The following NRG3 variants were observed in gnomAD, a reference collection of about 807,000 sequenced individuals.
The protein encoded by NRG3 is neuregulin 3.
In NRG3, 31 loss-of-function variants were observed where a neutral mutation model predicts 66.9. That is an observed-to-expected ratio of 0.46 (90% CI 0.35 to 0.63). NRG3 has a LOEUF of 0.63. Ranked by LOEUF, NRG3 falls within the 20% of genes least tolerant of loss-of-function variation. The pLI, the probability that NRG3 is intolerant of heterozygous loss-of-function variation, is 0.00. For missense variants in NRG3, 910 were observed against 878.9 expected (o/e 1.04, Z -0.45); for synonymous variants, 393 against 359.4 (o/e 1.09, Z -1.06).
chr10:82,289,337 C>T (rs1435484671), intron 1 of NRG3, among the ~76,000 whole-genome samples: 1 of 151,882 alleles, frequency 6.6e-6, no homozygotes, highest in Non-Finnish European at 1.5e-5. Context: ...CCTTCAGCTG[C>T]AATGAGACAT....
rs5786567 is a variant in NRG3 at position 82,720,810 on chromosome 10, C to CATATATATATAT, written c.954-17746_954-17735dup. Among the ~76,000 whole-genome samples the CATATATATATAT allele has an allele frequency of 7.1e-3, 810 of 114,544 alleles. 23 individuals carry two copies. The highest frequency in any genetic ancestry group is 0.02 in the African/African-American group (447 of 22,762). 75.1% of individuals were successfully genotyped at this position (114,544 alleles called of 152,430 possible). On this transcript the variant is annotated intron_variant, in intron 2 of 8. Coordinates refer to ENST00000372141, the MANE Select transcript of NRG3 (RefSeq NM_001010848.4). Reference sequence around the variant, plus strand: ...AACACATATATAGGAGTATTTTATACATATATATATATATATATATATATA... The same window carrying CATATATATATAT: ...AACACATATATAGGAGTATTTTATACATATATATATATATATATATATATATATATATATATA...
At chr10:82,049,808 A>G (rs1729298730) in intron 1 of NRG3, among the ~76,000 whole-genome samples, 1 of 152,008 alleles carries the variant, frequency 6.6e-6, no homozygotes, top group South Asian at 2.1e-4. Flanking sequence ...TAAAAGCACC[A>G]AGCTGACATT....
intron 2 of NRG3, among the ~76,000 whole-genome samples, chr10:82,540,572 C>T (rs2043475471): frequency 6.6e-6 from 1 of 151,838 alleles, no homozygotes; most frequent in Non-Finnish European, 1.5e-5. Flanking sequence ...AGTATGCAGC[C>T]TGGAGTGTTG....
chr10:82,189,111 T>A (rs1589256665), intron 1 of NRG3, among the ~76,000 whole-genome samples: 1 of 152,226 alleles, frequency 6.6e-6, no homozygotes, highest in East Asian at 1.9e-4. Context: ...AAAGGTAGCC[T>A]CCCACTTCCC....
chr10:82,951,401 C>T, intron 4 of NRG3, 68 bp from the exon 5 acceptor site: 7 of 1,251,726 alleles, frequency 5.6e-6, no homozygotes, highest in Non-Finnish European at 8.2e-6. Flanking sequence ...CTCAGAAGTA[C>T]ATGGATGAAG....
At chr10:82,345,847 A>G (rs2082983680) in intron 1 of NRG3, among the ~76,000 whole-genome samples, 1 of 151,194 alleles carries the variant, frequency 6.6e-6, no homozygotes, top group African/African-American at 2.4e-5. Flanking sequence ...GAGTTCACTC[A>G]TGATTTGGCT....
intron 2 of NRG3, among the ~76,000 whole-genome samples, chr10:82,714,318 A>T (rs2056848157): frequency 6.6e-6 from 1 of 152,168 alleles, no homozygotes; most frequent in Non-Finnish European, 1.5e-5. Context: ...AAAAATGTGG[A>T]TGGATGCTCC....
chr10:82,732,197 T>C (rs1359508771), intron 2 of NRG3, among the ~76,000 whole-genome samples: 1 of 152,194 alleles, frequency 6.6e-6, no homozygotes, highest in East Asian at 1.9e-4. Flanking sequence ...CCTGAAGTCT[T>C]CTTACCCATA....
intron 4 of NRG3, among the ~76,000 whole-genome samples, chr10:82,895,486 C>CTT (rs57655284): frequency 0.26 from 33,421 of 128,210 alleles, 5,469 homozygotes; most frequent in Non-Finnish European, 0.34. Context: ...CAATAACATT[C>CTT]TTTTTTTTTT....
chr10:82,453,057 A>C (rs2091096970), intron 2 of NRG3, among the ~76,000 whole-genome samples: 1 of 152,186 alleles, frequency 6.6e-6, no homozygotes, highest in Non-Finnish European at 1.5e-5. Flanking sequence ...TTCCAACTGT[A>C]CCACTCTGTG....
chr10:82,724,006 T>G (rs1214028132), intron 2 of NRG3, among the ~76,000 whole-genome samples: 3 of 147,824 alleles, frequency 2.0e-5, no homozygotes, highest in African/African-American at 7.9e-5. Flanking sequence ...ATAAAAAAAA[T>G]TTAAAAAATA....
intron 1 of NRG3, among the ~76,000 whole-genome samples, chr10:81,931,729 T>G (rs1589501222): frequency 6.6e-6 from 1 of 152,308 alleles, no homozygotes; most frequent in African/African-American, 2.4e-5. Flanking sequence ...TTCCCCCTTT[T>G]CCCAATAGTA....
chr10:82,389,003 G>C (rs1241940796), intron 2 of NRG3, among the ~76,000 whole-genome samples: 1 of 152,180 alleles, frequency 6.6e-6, no homozygotes, highest in East Asian at 1.9e-4. Context: ...TAGAACCACT[G>C]TTGTAAAGCC....
chr10:82,102,141 T>TATATATGTGTGTGTATTC lies in NRG3; in HGVS notation c.823+225984_823+225985insGTGTGTGTATTCATATAT, dbSNP rs1554825301. 1.1e-3 allele frequency among the ~76,000 whole-genome samples: 44 copies of TATATATGTGTGTGTATTC among 39,264 alleles called. 6 individuals are homozygous for TATATATGTGTGTGTATTC. In the East Asian group the frequency reaches 0.016, roughly 15 times the overall value. 25.8% of individuals were successfully genotyped at this position (39,264 alleles called of 152,430 possible). A position where few individuals can be genotyped will look rare whatever the true frequency, so the allele number is the denominator to read the frequency against. ...ATATATATATGTGTATTCATATATA[T>TATATATGTGTGTGTATTC]ATATATATATATATATATATATATA... On this transcript the variant is annotated intron_variant, in intron 1 of 8. Transcript: ENST00000372141.
intron 1 of NRG3, among the ~76,000 whole-genome samples, chr10:82,177,497 T>C (rs1230666468): frequency 6.6e-6 from 1 of 152,228 alleles, no homozygotes; most frequent in Non-Finnish European, 1.5e-5. Context: ...AAAAGAAGTT[T>C]TTTATGTGCG....
At chr10:82,836,713 AT>A (rs747037535) in intron 3 of NRG3, among the ~76,000 whole-genome samples, 15 of 150,616 alleles carry the variant, frequency 1.0e-4, no homozygotes, top group Middle Eastern at 3.4e-3. Flanking sequence ...ATTTTATTTT[AT>A]TTTTTTATTT....
intron 4 of NRG3, among the ~76,000 whole-genome samples, chr10:82,874,997 A>G (rs1220261474): frequency 6.6e-6 from 1 of 152,224 alleles, no homozygotes; most frequent in Non-Finnish European, 1.5e-5. Context: ...TGAAATATGA[A>G]CCAGATCCTG....
intron 1 of NRG3, among the ~76,000 whole-genome samples, chr10:82,242,313 G>A (rs771857001): frequency 1.3e-5 from 2 of 152,140 alleles, no homozygotes; most frequent in Non-Finnish European, 2.9e-5. Context: ...AAAAGATGGT[G>A]TCTAAATTAT....
chr10:82,239,926 T>C (rs1203754406), intron 1 of NRG3, among the ~76,000 whole-genome samples: 1 of 152,176 alleles, frequency 6.6e-6, no homozygotes, highest in Admixed American at 6.5e-5. Context: ...TTTTAACTTC[T>C]AGAGAAAGAA....
Sources: allele counts gnomAD v4.1 joint callset (sites outside exome capture counted in the v4.1 genomes callset), GRCh38; gene constraint gnomAD v4.1.1; transcripts MANE v1.5; gene names NCBI Gene and HGNC (gene_info 2026-07-23, HGNC 2026-07-21).